The following ANK2 variants were observed in gnomAD, a reference collection of about 807,000 sequenced individuals.
The protein encoded by ANK2 is ankyrin-2.
A neutral mutation model predicts 360.5 loss-of-function variants in ANK2; 83 were observed. The observed-to-expected ratio is 0.23, with a 90% CI of 0.19 to 0.28. ANK2 has a LOEUF of 0.28. Among genes scored for constraint, ANK2 ranks in the 10% least tolerant of loss-of-function variants. The probability of loss-of-function intolerance (pLI) is 1.00; values close to 1 mark genes in which losing one functional copy is unlikely to be tolerated. For synonymous variants in ANK2, 1,740 were observed against 1,759.5 expected, an observed-to-expected ratio of 0.99 and a Z score of 0.28; for missense variants, 4,201 against 4,795.7, an observed-to-expected ratio of 0.88 and a Z score of 3.66.
intron 4 of ANK2, among the ~76,000 whole-genome samples, chr4:113,208,600 C>G (rs189175729): frequency 4.4e-4 from 67 of 152,092 alleles, no homozygotes; most frequent in Non-Finnish European, 6.6e-4. Flanking sequence ...CTCCCAGGCT[C>G]AAGCAACCCT....
At chr4:113,281,127 T>C (rs1254467168) in intron 17 of ANK2, among the ~76,000 whole-genome samples, 15 of 152,184 alleles carry the variant, frequency 9.9e-5, no homozygotes, top group Admixed American at 9.8e-4. Context: ...GTAGATAATG[T>C]AGGGTTGTGT....
At chr4:113,219,037 T>C (rs931098378) in intron 4 of ANK2, among the ~76,000 whole-genome samples, 2 of 152,158 alleles carry the variant, frequency 1.3e-5, no homozygotes, top group African/African-American at 4.8e-5. Flanking sequence ...GTAGTCAGCA[T>C]TTTTGCTTTT....
At chr4:113,286,713 T>C (rs29326) in intron 18 of ANK2, among the ~76,000 whole-genome samples, 74,161 of 151,900 alleles carry the variant, frequency 0.49, 19,130 homozygotes, top group South Asian at 0.61. Context: ...ATAAATATAC[T>C]AGGCATTTGA....
intron 43 of ANK2, 101 bp from the exon 44 acceptor site, chr4:113,372,989 G>A (rs142477777): frequency 2.3e-4 from 234 of 1,039,184 alleles, no homozygotes; most frequent in Non-Finnish European, 2.4e-4. Context: ...TCTCAACATC[G>A]CCTTTGATTT....
intron 1 of ANK2, among the ~76,000 whole-genome samples, chr4:113,170,433 A>G (rs75900604): frequency 0.02 from 2,970 of 152,252 alleles, 100 homozygotes; most frequent in African/African-American, 0.067. Context: ...ATGCATCTGT[A>G]TATCATTTGG....
chr4:112,768,425 T>C, the ANK2 span, among the ~76,000 whole-genome samples: 1 of 152,034 alleles, frequency 6.6e-6, no homozygotes, highest in Non-Finnish European at 1.5e-5. Context: ...AGTTAATTTT[T>C]GTATTTTTTG....
intron 2 of ANK2, among the ~76,000 whole-genome samples, chr4:113,030,738 AAAGGT>A (rs1237032624): frequency 6.6e-6 from 1 of 152,108 alleles, no homozygotes; most frequent in Non-Finnish European, 1.5e-5. Flanking sequence ...CTAAGAACTA[AAAGGT>A]AAGACTAAAG....
the ANK2 span, among the ~76,000 whole-genome samples, chr4:112,771,269 C>A: frequency 2.6e-5 from 4 of 152,054 alleles, no homozygotes; most frequent in Non-Finnish European, 5.9e-5. Context: ...TGCGCCACCA[C>A]GCTTGGCTAA....
At chr4:112,777,010 T>C in the ANK2 span, among the ~76,000 whole-genome samples, 2 of 152,110 alleles carry the variant, frequency 1.3e-5, no homozygotes, top group Admixed American at 1.3e-4. Flanking sequence ...TTCTAAAAAT[T>C]GAAAGGATTT....
At chr4:112,803,025 T>C in the ANK2 span, among the ~76,000 whole-genome samples, 6,825 of 152,248 alleles carry the variant, frequency 0.045, 397 homozygotes, top group African/African-American at 0.13. Context: ...TTACTGGCTG[T>C]TGTTATAACT....
intron 2 of ANK2, among the ~76,000 whole-genome samples, chr4:112,972,555 G>A (rs1463627166): frequency 6.6e-6 from 1 of 152,162 alleles, no homozygotes; most frequent in African/African-American, 2.4e-5. Context: ...TTAAGCTGCG[G>A]GAGGGCCTGG....
chr4:113,213,842 TC>T (rs1345870217), intron 4 of ANK2, among the ~76,000 whole-genome samples: 1 of 152,064 alleles, frequency 6.6e-6, no homozygotes, highest in African/African-American at 2.4e-5. Flanking sequence ...AGAAAAGGAT[TC>T]CTGTTTGCGA....
intron 1 of ANK2, among the ~76,000 whole-genome samples, chr4:113,100,460 A>T (rs1333612701): frequency 2.6e-5 from 4 of 152,140 alleles, no homozygotes; most frequent in Non-Finnish European, 5.9e-5. Flanking sequence ...TACTAAATCC[A>T]AAACACTGGC....
chr4:112,905,027 G>T (rs971867365), intron 2 of ANK2, among the ~76,000 whole-genome samples: 10 of 152,134 alleles, frequency 6.6e-5, no homozygotes, highest in Non-Finnish European at 1.2e-4. Context: ...TCAAGGGGAA[G>T]GAGGGAAGAA....
At chr4:112,911,913 C>T (rs963151799) in intron 2 of ANK2, among the ~76,000 whole-genome samples, 1 of 152,122 alleles carries the variant, frequency 6.6e-6, no homozygotes, top group African/African-American at 2.4e-5. Flanking sequence ...CGTGGTGGCT[C>T]ACGCCTGTAA....
chr4:113,040,268 T>C (rs2062634933), intron 2 of ANK2, among the ~76,000 whole-genome samples: 1 of 152,078 alleles, frequency 6.6e-6, no homozygotes. Context: ...TCTAAAATAT[T>C]GTTGCTGATA....
At chr4:113,311,181 A>G in intron 23 of ANK2, 74 bp from the exon 24 acceptor site, 1 of 1,594,804 alleles carries the variant, frequency 6.3e-7, no homozygotes. Context: ...GATGCATTTC[A>G]CAATCATGAC....
intron 20 of ANK2, 55 bp downstream of exon 20, chr4:113,288,541 G>T: frequency 6.9e-7 from 1 of 1,441,456 alleles, no homozygotes; most frequent in South Asian, 1.1e-5. Flanking sequence ...TCAGCCATCT[G>T]GATGCTTCAC....
chr4:112,710,697 CA>C, the ANK2 span, among the ~76,000 whole-genome samples: 2,908 of 126,164 alleles, frequency 0.023, 50 homozygotes, highest in African/African-American at 0.061. Context: ...GACTCCATCT[CA>C]AAAAAAAAAA....
Sources: allele counts gnomAD v4.1 joint callset (sites outside exome capture counted in the v4.1 genomes callset), GRCh38; gene constraint gnomAD v4.1.1; transcripts MANE v1.5; gene names NCBI Gene and HGNC (gene_info 2026-07-23, HGNC 2026-07-21).